The following NIBAN3 variants were observed in gnomAD, a reference collection of about 807,000 sequenced individuals.
NIBAN3 encodes niban apoptosis regulator 3.
Under a neutral mutation model 76.4 loss-of-function variants are expected in NIBAN3, and 66 were observed. The observed-to-expected ratio is 0.86, with a 90% CI of 0.71 to 1.06. The LOEUF is 1.06. NIBAN3 is among the 50% of genes least tolerant of loss of function. The probability of loss-of-function intolerance (pLI) is 0.00; values close to 1 mark genes in which losing one functional copy is unlikely to be tolerated. For missense variants in NIBAN3, 808 were observed against 810.7 expected, an observed-to-expected ratio of 1.00 and a Z score of 0.04; for synonymous variants, 360 against 355.2, an observed-to-expected ratio of 1.01 and a Z score of -0.15.
chr19:17,555,276 T>G (rs916891122), downstream of NIBAN3, among the ~76,000 whole-genome samples: 3 of 152,156 alleles, frequency 2.0e-5, no homozygotes, highest in African/African-American at 7.2e-5. Flanking sequence ...AAAACCCACG[T>G]TGCAGCAGAG....
At chr19:17,532,831 C>G (rs560244494) in intron 3 of NIBAN3, among the ~76,000 whole-genome samples, 1 of 151,810 alleles carries the variant, frequency 6.6e-6, no homozygotes, top group African/African-American at 2.4e-5. Flanking sequence ...GTGGGGAGCC[C>G]GTGGGTGCTG....
chr19:17,546,797 G>C lies in NIBAN3; in HGVS notation c.1666G>C (p.Glu556Gln). 5.0e-6 allele frequency: 8 copies of C among 1,590,414 alleles called. No homozygotes were observed. Among genetic ancestry groups the C allele is most frequent in the Non-Finnish European group, 6.8e-6 (8 of 1,169,374 alleles). ...GTGCTTGCTGCAGAGGATTGACCAA[G>C]GTGAGTCCCGCCCTGCCATGGCTCA... ...RGCLLQRIDQ[E>Q]LKKTLGANDV... Residue 556 changes from glutamate to glutamine, a missense_variant and splice_region_variant, in exon 13 of 15, where the codon GAA becomes CAA. Coordinates refer to ENST00000599164, the MANE Select transcript of NIBAN3 (RefSeq NM_001321827.2).
chr19:17,538,742 GAA>G (rs58704575), intron 5 of NIBAN3, among the ~76,000 whole-genome samples: 73,993 of 135,210 alleles, frequency 0.55, 19,121 homozygotes, highest in Middle Eastern at 0.67. Flanking sequence ...AAGAAAGAAA[GAA>G]AGAGAAAGAA....
rs146392750 is a variant in NIBAN3 at position 17,538,586 on chromosome 19, G to A, written c.596-564G>A. 3.5e-3 allele frequency among the ~76,000 whole-genome samples: 531 copies of A among 151,272 alleles called. 5 individuals are homozygous for A. The highest frequency in any genetic ancestry group is 0.012 in the African/African-American group (505 of 41,120). On this transcript the variant is annotated intron_variant, in intron 5 of 14. Transcript: ENST00000599164. ...TGCAGTAAGCAATGATCATGCTACC[G>A]CACTTCAGCCTGAGCAACAGAGAGA...
intron 4 of NIBAN3, 56 bp downstream of exon 4, chr19:17,533,757 GT>G: frequency 7.7e-7 from 1 of 1,304,788 alleles, no homozygotes; most frequent in Non-Finnish European, 1.1e-6. Context: ...TCATTAACAT[GT>G]GGGGCCAGAT....
Position 17,542,728 on chromosome 19 carries a change from T to G in NIBAN3, c.1329+434T>G, listed in dbSNP as rs953693508. On this transcript the variant is annotated intron_variant, in intron 10 of 14. Coordinates refer to ENST00000599164, the MANE Select transcript of NIBAN3 (RefSeq NM_001321827.2). This position sits in a 1 kb window ranked among gnomAD's most constrained non-coding sequence, Gnocchi z 4.8. ...AGCGTGGGGCTAAGGGGTGAGCTCTTTCCTGAGGGCAATGGGGAGCCAGAG... is the reference window on the plus strand; with the variant it reads ...AGCGTGGGGCTAAGGGGTGAGCTCTGTCCTGAGGGCAATGGGGAGCCAGAG... Among the ~76,000 whole-genome samples the G allele has an allele frequency of 7.9e-5, 12 of 152,100 alleles. No individual in the cohort carries two copies. Among genetic ancestry groups the G allele is most frequent in the Admixed American group, 7.9e-4 (12 of 15,270 alleles).
At chr19:17,523,539 G>A (rs2075577274), upstream of NIBAN3, 7 of 1,222,966 alleles carry the variant, frequency 5.7e-6, no homozygotes, top group South Asian at 4.0e-5. Flanking sequence ...CCCCCAGAGC[G>A]GCAGGCACGG....
Position 17,540,506 on chromosome 19 carries a change from C to A in NIBAN3, c.1094C>A (p.Thr365Asn). ...TVEASLEAVR[T>N]LLAQGMDRLS... ...GAAGCCTCGCTCGAGGCGGTGCGGA[C>A]CCTCCTGGCTCAAGGCATGGACCGA... Residue 365 changes from threonine to asparagine, a missense_variant, in exon 9 of 15, where the codon ACC becomes AAC. Physicochemically the swap from Thr to Asn is moderately conservative, Grantham distance 65. Transcript: ENST00000599164. 6.3e-7 allele frequency: 1 copy of A among 1,598,736 alleles called. No individual in the cohort carries two copies.
intron 12 of NIBAN3, among the ~76,000 whole-genome samples, chr19:17,544,271 G>C (rs1452068498): frequency 6.6e-6 from 1 of 152,192 alleles, no homozygotes; most frequent in Non-Finnish European, 1.5e-5. Flanking sequence ...ACTCCAGCCT[G>C]GGCAACAGAG....
At chr19:17,549,208 G>A (rs1006628802) in intron 13 of NIBAN3, among the ~76,000 whole-genome samples, 1 of 152,208 alleles carries the variant, frequency 6.6e-6, no homozygotes, top group South Asian at 2.1e-4. Flanking sequence ...ATTGATTTGT[G>A]ATGTCTGCCT....
In NIBAN3 at chr19:17,532,388, G is replaced by T. The variant is rs1226817523; in HGVS notation, c.312G>T (p.Glu104Asp). 3 of 1,614,092 alleles carry T rather than the reference G, an allele frequency of 1.9e-6. No individual in the cohort carries two copies. Among genetic ancestry groups the T allele is most frequent in the Non-Finnish European group, 1.7e-6 (2 of 1,180,048 alleles). ...DGRLEWFSHKEEYENGGHCLG... is the reference protein window; with the variant it reads ...DGRLEWFSHKDEYENGGHCLG... ...GCCTAGAGTGGTTCAGCCACAAGGAGGTGCGTGATTGGCACGTGGCCTTTC... is the reference window on the plus strand; with the variant it reads ...GCCTAGAGTGGTTCAGCCACAAGGATGTGCGTGATTGGCACGTGGCCTTTC... Residue 104 changes from glutamate to aspartate, a missense_variant and splice_region_variant, in exon 3 of 15, where the codon GAG (glutamate) becomes GAT (aspartate). Physicochemically the swap from Glu to Asp is conservative, Grantham distance 45. Transcript: ENST00000599164.
At chr19:17,546,042 G>A (rs2076048952) in intron 12 of NIBAN3, 1 of 383,252 alleles carries the variant, frequency 2.6e-6, no homozygotes, top group Non-Finnish European at 5.3e-6. Flanking sequence ...GTCACCGCTA[G>A]ACCAAGGAGC....
At chr19:17,532,490 T>C in intron 3 of NIBAN3, 102 bp downstream of exon 3, 1 of 1,542,884 alleles carries the variant, frequency 6.5e-7, no homozygotes, top group South Asian at 1.1e-5. Flanking sequence ...GCCCCACCTC[T>C]ATCAATCACC....
At chr19:17,527,170 G>C, upstream of NIBAN3, 1 of 1,508,172 alleles carries the variant, frequency 6.6e-7, no homozygotes, top group Non-Finnish European at 8.9e-7. Flanking sequence ...TGGGCAACAC[G>C]GGCCCCAGGG....
Position 17,533,572 on chromosome 19 carries a change from G to A in NIBAN3, c.313-15G>A. On this transcript the variant is annotated splice_polypyrimidine_tract_variant and intron_variant, in intron 3 of 14. Coordinates refer to ENST00000599164, the MANE Select transcript of NIBAN3 (RefSeq NM_001321827.2). ...CAGACCTGTCCCAGGTTGGTTCTCT[G>A]GGTACCTTTTGTAGGAATATGAAAA... 1.3e-6 allele frequency: 2 copies of A among 1,598,542 alleles called. No homozygotes were observed.
chr19:17,524,240 C>T (rs1467343159), upstream of NIBAN3, among the ~76,000 whole-genome samples: 1 of 151,736 alleles, frequency 6.6e-6, no homozygotes, highest in East Asian at 1.9e-4. Flanking sequence ...CCTCTATCCC[C>T]TCCTGCTGCA....
At chr19:17,549,741 C>A in intron 14 of NIBAN3, 1 of 621,740 alleles carries the variant, frequency 1.6e-6, no homozygotes, top group Admixed American at 2.5e-5. Flanking sequence ...ACCCTCTAAA[C>A]CCAGGCTCTG....
intron 1 of NIBAN3, among the ~76,000 whole-genome samples, chr19:17,530,176 G>T (rs1372319167): frequency 6.6e-6 from 1 of 152,056 alleles, no homozygotes; most frequent in East Asian, 1.9e-4. Context: ...GTCAGTCGTG[G>T]TGGCAGAAGC....
At chr19:17,524,896 C>G (rs2075590017), upstream of NIBAN3, among the ~76,000 whole-genome samples, 1 of 152,188 alleles carries the variant, frequency 6.6e-6, no homozygotes. Context: ...CACTTCTGCT[C>G]ACTCCTTTAT....
Sources: allele counts gnomAD v4.1 joint callset (sites outside exome capture counted in the v4.1 genomes callset), GRCh38; gene constraint gnomAD v4.1.1; non-coding constraint Gnocchi (gnomAD v3.1); transcripts MANE v1.5; gene names NCBI Gene and HGNC (gene_info 2026-07-23, HGNC 2026-07-21).